The following OR2L3 variants were observed in gnomAD, a reference collection of about 807,000 sequenced individuals.
OR2L3 encodes olfactory receptor family 2 subfamily L member 3.
For missense variants in OR2L3, 369 were observed against 376.6 expected, an observed-to-expected ratio of 0.98 and a Z score of 0.17; for synonymous variants, 131 against 139.1, an observed-to-expected ratio of 0.94 and a Z score of 0.41.
At position 248,061,488 on chromosome 1, in the gene OR2L3, G is replaced by A; in HGVS notation, c.807G>A (p.Glu269=). ...CAAGATCCCTGCGATCTCCAACAGA[G>A]GACAAGGTTCTGGCTGTCTTCTACA... The part of the protein sequence containing the change: ...LRPRSLRSPT[E]DKVLAVFYTT... The change falls in exon 2 of 2, where the codon GAG becomes GAA. Residue 269 remains glutamate, a synonymous_variant. Transcript: ENST00000359959. The A allele has an allele frequency of 6.2e-7, 1 of 1,613,920 alleles. No homozygotes were observed. The highest frequency in any genetic ancestry group is 8.5e-7 in the Non-Finnish European group (1 of 1,179,930).
intron 1 of OR2L3, among the ~76,000 whole-genome samples, chr1:248,053,396 A>G (rs910346519): frequency 2.6e-5 from 4 of 152,150 alleles, no homozygotes; most frequent in Non-Finnish European, 4.4e-5. Flanking sequence ...GCTATTGTGG[A>G]TAGTGCTGCA....
rs535742428 is a variant in OR2L3 at position 248,058,120 on chromosome 1, T to G, written c.-21-2541T>G. 1.2e-4 allele frequency among the ~76,000 whole-genome samples: 19 copies of G among 152,300 alleles called. No individual in the cohort carries two copies. The South Asian group carries it at 3.7e-3, about 30-fold the overall frequency. Reference sequence around the variant, plus strand: ...GGTTAAAATCCCAACTGTCACATAATTTTTACATCACTTTAATGTTTTATG... The same window carrying G: ...GGTTAAAATCCCAACTGTCACATAAGTTTTACATCACTTTAATGTTTTATG... On this transcript the variant is annotated intron_variant, in intron 1 of 1. Coordinates refer to ENST00000359959, the MANE Select transcript of OR2L3 (RefSeq NM_001004687.2).
At chr1:248,049,420 A>T (rs1349409701) in intron 1 of OR2L3, among the ~76,000 whole-genome samples, 1 of 152,204 alleles carries the variant, frequency 6.6e-6, no homozygotes, top group Admixed American at 6.5e-5. Flanking sequence ...TATTACGTTG[A>T]ATATGTACAT....
chr1:248,061,863 G>T lies in OR2L3; in HGVS notation c.*243G>T, dbSNP rs1558204808. On this transcript the variant is annotated 3_prime_UTR_variant, in exon 2 of 2. Coordinates refer to ENST00000359959, the MANE Select transcript of OR2L3 (RefSeq NM_001004687.2). ...AAGCACCTACTTTTACTAATATGTT[G>T]TCAATGAGAATTTTTGTTTTTGGTC... The T allele has an allele frequency of 5.9e-6, 2 of 341,274 alleles. No homozygotes were observed. The highest frequency in any genetic ancestry group is 1.1e-5 in the Non-Finnish European group (2 of 190,226). The allele number at this position is 341,274 out of a possible 1,614,324, so 21.1% of individuals were successfully genotyped here.
chr1:248,059,778 C>T (rs1663563109), intron 1 of OR2L3, among the ~76,000 whole-genome samples: 1 of 152,232 alleles, frequency 6.6e-6, no homozygotes, highest in East Asian at 1.9e-4. Context: ...GGTGGGGAAG[C>T]TCATGACTGC....
chr1:248,054,718 T>C (rs1663377349), intron 1 of OR2L3, among the ~76,000 whole-genome samples: 2 of 152,190 alleles, frequency 1.3e-5, no homozygotes, highest in Admixed American at 6.5e-5. Context: ...GAATGGGAGA[T>C]CATTCATGAT....
At position 248,060,988 on chromosome 1, in the gene OR2L3, T is replaced by G; in HGVS notation, c.307T>G (p.Phe103Val). 1.2e-6 allele frequency: 2 copies of G among 1,614,100 alleles called. No individual in the cohort carries two copies. The highest frequency in any genetic ancestry group is 1.7e-6 in the Non-Finnish European group (2 of 1,179,984). The change falls in exon 2 of 2, where the codon TTC becomes GTC. Residue 103 changes from phenylalanine (F) to valine (V), a missense_variant. Transcript: ENST00000359959. ...TGGGTGTGGGATTCAGAGTTTCTTC[T>G]TCTCGGCATTAGGAGGTGCAGAAGC... ...FTGCGIQSFF[F>V]SALGGAEALL...
chr1:248,048,097 A>G (rs1238802387), intron 1 of OR2L3, among the ~76,000 whole-genome samples: 3 of 152,182 alleles, frequency 2.0e-5, no homozygotes, highest in African/African-American at 7.2e-5. Flanking sequence ...GTCAAAGGAT[A>G]TACTTTCATA....
intron 1 of OR2L3, among the ~76,000 whole-genome samples, chr1:248,052,494 C>T (rs770767628): frequency 5.3e-5 from 8 of 151,978 alleles, no homozygotes; most frequent in Admixed American, 1.3e-4. Flanking sequence ...TTTGGGAGGC[C>T]GAGCCGGGCA....
At chr1:248,052,728 C>A (rs568911080) in intron 1 of OR2L3, among the ~76,000 whole-genome samples, 2 of 151,544 alleles carry the variant, frequency 1.3e-5, no homozygotes, top group South Asian at 4.2e-4. Flanking sequence ...GAGACTCCAT[C>A]TCAAAAAGAA....
intron 1 of OR2L3, 41 bp from the exon 2 acceptor site, chr1:248,060,620 A>G (rs1457694252): frequency 7.3e-7 from 1 of 1,361,302 alleles, no homozygotes; most frequent in Non-Finnish European, 1.0e-6. Context: ...GCAGATAAAG[A>G]CGAATTTCTG....
At chr1:248,050,012 C>G (rs375551097) in intron 1 of OR2L3, among the ~76,000 whole-genome samples, 1 of 152,074 alleles carries the variant, frequency 6.6e-6, no homozygotes, top group African/African-American at 2.4e-5. Flanking sequence ...GTGGCGATAC[C>G]TATCTGAAGA....
intron 1 of OR2L3, among the ~76,000 whole-genome samples, chr1:248,057,282 A>G (rs376194430): frequency 4.2e-4 from 64 of 152,224 alleles, no homozygotes; most frequent in African/African-American, 1.5e-3. Context: ...GTCTCTTTGT[A>G]GGTCTCTAGG....
Position 248,060,855 on chromosome 1 carries a change from G to A in OR2L3, c.174G>A (p.Met58Ile), listed in dbSNP as rs915001765. ...TGGACACCCATCTCCACACACCCAT[G>A]TATTTCCTACTTAGTCAGCTCTCCC... is the stretch of plus-strand genomic sequence containing the variant. ...IFLDTHLHTP[M>I]YFLLSQLSLI... Residue 58 changes from methionine (M) to isoleucine (I), a missense_variant, in exon 2 of 2, where the codon ATG becomes ATA. Coordinates refer to ENST00000359959, the MANE Select transcript of OR2L3 (RefSeq NM_001004687.2). The A allele has an allele frequency of 1.2e-6, 2 of 1,613,848 alleles. No homozygotes were observed. The highest frequency in any genetic ancestry group is 2.2e-5 in the East Asian group (1 of 44,874).
intron 1 of OR2L3, among the ~76,000 whole-genome samples, chr1:248,050,966 T>C (rs1663244242): frequency 6.6e-6 from 1 of 152,186 alleles, no homozygotes; most frequent in African/African-American, 2.4e-5. Flanking sequence ...CAAATTGGAA[T>C]AGTTTCAGTA....
chr1:248,054,441 A>G (rs1663368221), intron 1 of OR2L3, among the ~76,000 whole-genome samples: 1 of 152,146 alleles, frequency 6.6e-6, no homozygotes. Context: ...TTGGTTCCAT[A>G]TGATTTTAAA....
intron 1 of OR2L3, among the ~76,000 whole-genome samples, chr1:248,051,791 T>G (rs1663273015): frequency 6.6e-6 from 1 of 152,144 alleles, no homozygotes; most frequent in Non-Finnish European, 1.5e-5. Context: ...ATTTATTATT[T>G]TATTTATTTC....
chr1:248,047,527 T>A (rs73143312), intron 1 of OR2L3, among the ~76,000 whole-genome samples: 1 of 152,262 alleles, frequency 6.6e-6, no homozygotes, highest in African/African-American at 2.4e-5. Flanking sequence ...GGTAACCGTA[T>A]GATTAGTAGC....
Position 248,063,114 on chromosome 1 carries a change from T to G in OR2L3, c.*1494T>G, listed in dbSNP as rs942173685. ...GTTCCATACAAATCTTAAATAATGG[T>G]TTTTACTATTTATGTGCAGAATGTC... On this transcript the variant is annotated 3_prime_UTR_variant, in exon 2 of 2. Transcript: ENST00000359959. 1.3e-5 allele frequency: 2 copies of G among 152,212 alleles called. No individual in the cohort carries two copies. The highest frequency in any genetic ancestry group is 2.9e-5 in the Non-Finnish European group (2 of 68,044). 9.4% of individuals were successfully genotyped at this position (152,212 alleles called of 1,614,324 possible). A position where few individuals can be genotyped will look rare whatever the true frequency, so the allele number is the denominator to read the frequency against.
Sources: gnomAD v4.1 joint callset for allele counts (sites outside exome capture counted in the v4.1 genomes callset) on GRCh38, gnomAD v4.1.1 for gene constraint, MANE v1.5 for transcripts, NCBI Gene and HGNC (gene_info 2026-07-23, HGNC 2026-07-21) for gene names.